SLC2A10: variants seen among roughly 807,000 people sequenced by gnomAD.
SLC2A10 encodes solute carrier family 2, facilitated glucose transporter member 10.
SLC2A10 carries 25 observed loss-of-function variants against 32.1 expected under a neutral mutation model. That is an observed-to-expected ratio of 0.78 (90% CI 0.57 to 1.09). The LOEUF is 1.09. Ranked by LOEUF, SLC2A10 falls within the 50% of genes least tolerant of loss-of-function variation. SLC2A10 has a pLI of 0.00. For synonymous variants in SLC2A10, 332 were observed against 309.6 expected (o/e 1.07, Z -0.76); for missense variants, 673 against 686.5 (o/e 0.98, Z 0.22).
intron 1 of SLC2A10, among the ~76,000 whole-genome samples, chr20:46,723,464 A>G (rs1979672860): frequency 1.3e-5 from 2 of 152,220 alleles, no homozygotes; most frequent in Admixed American, 6.5e-5. Flanking sequence ...GGGTGAATGG[A>G]CATTGATTGG....
At chr20:46,714,023 G>C (rs1248826418) in intron 1 of SLC2A10, among the ~76,000 whole-genome samples, 2 of 152,088 alleles carry the variant, frequency 1.3e-5, no homozygotes, top group Non-Finnish European at 2.9e-5. Flanking sequence ...GATAGGAAGG[G>C]TACTTGGGTA....
chr20:46,718,405 T>C (rs1485599263), intron 1 of SLC2A10, among the ~76,000 whole-genome samples: 1 of 152,180 alleles, frequency 6.6e-6, no homozygotes, highest in African/African-American at 2.4e-5. Context: ...ACTATCCTCT[T>C]CTTGTCGTTT....
intron 1 of SLC2A10, among the ~76,000 whole-genome samples, chr20:46,718,057 T>A (rs1413972676): frequency 2.0e-5 from 3 of 151,840 alleles, no homozygotes; most frequent in African/African-American, 2.4e-5. Flanking sequence ...CCCCACCTCT[T>A]CAAAAAAATC....
chr20:46,731,786 A>G (rs1980313225), intron 4 of SLC2A10, among the ~76,000 whole-genome samples: 1 of 152,132 alleles, frequency 6.6e-6, no homozygotes, highest in Non-Finnish European at 1.5e-5. Flanking sequence ...CGACTTTAGG[A>G]ACACAGGGAC....
At chr20:46,733,015 C>T (rs1026025851) in intron 4 of SLC2A10, among the ~76,000 whole-genome samples, 4 of 152,174 alleles carry the variant, frequency 2.6e-5, no homozygotes, top group Non-Finnish European at 5.9e-5. Flanking sequence ...TGGGGGAGGG[C>T]AGCCATGGTG....
intron 1 of SLC2A10, among the ~76,000 whole-genome samples, chr20:46,720,215 C>A (rs1277723912): frequency 6.6e-6 from 1 of 152,134 alleles, no homozygotes; most frequent in Non-Finnish European, 1.5e-5. Flanking sequence ...CACAGATACA[C>A]AAGAAAGAAG....
At chr20:46,717,548 GCTA>G (rs1979322379) in intron 1 of SLC2A10, among the ~76,000 whole-genome samples, 2 of 152,062 alleles carry the variant, frequency 1.3e-5, no homozygotes, top group African/African-American at 4.8e-5. Flanking sequence ...ACCACGCCAG[GCTA>G]ATTTTTGTAT....
In SLC2A10 at chr20:46,709,674, T is replaced by A. The variant is rs1978785590; in HGVS notation, c.-63T>A. On this transcript the variant is annotated 5_prime_UTR_variant, in exon 1 of 5. Transcript: ENST00000359271. ...GTCCGGCGGCAGCGGCGTTGGGGAC[T>A]CCGGCGGGGGATGCGCGCCCGGCCC... 6.5e-7 allele frequency: 1 copy of A among 1,531,528 alleles called. No homozygotes were observed. The highest frequency in any genetic ancestry group is 1.2e-5 in the South Asian group (1 of 82,566). 94.9% of individuals were successfully genotyped at this position (1,531,528 alleles called of 1,614,324 possible).
rs767864243 is a variant in SLC2A10 at position 46,725,349 on chromosome 20, C to T, written c.313C>T (p.Arg105Cys). Residue 105 changes from arginine (R) to cysteine (C), a missense_variant, in exon 2 of 5, where the codon CGC becomes TGC. Arg to Cys is a radical substitution (Grantham distance 180). Coordinates refer to ENST00000359271, the MANE Select transcript of SLC2A10 (RefSeq NM_030777.4). ...AGSLAWLVLG[R>C]AVVGFAISLS... ...TTCCCTGGCCTGGCTGGTCCTGGGC[C>T]GCGCTGTGGTTGGCTTCGCCATTTC... 43 of 1,613,944 alleles carry T rather than the reference C, an allele frequency of 2.7e-5. No homozygotes were observed. The highest frequency in any genetic ancestry group is 1.0e-4 in the Admixed American group (6 of 60,010).
At chr20:46,727,469 C>T (rs373507797) in intron 3 of SLC2A10, among the ~76,000 whole-genome samples, 9 of 152,050 alleles carry the variant, frequency 5.9e-5, no homozygotes, top group South Asian at 2.1e-4. Context: ...TACAGGCACC[C>T]GCCACCACGC....
chr20:46,728,603 T>TG (rs1421501651), intron 3 of SLC2A10, among the ~76,000 whole-genome samples: 2 of 138,026 alleles, frequency 1.4e-5, no homozygotes, highest in African/African-American at 3.0e-5. Context: ...TTTCTGGGTG[T>TG]GTTTTTTTTT....
At chr20:46,723,556 C>G (rs1051378090) in intron 1 of SLC2A10, among the ~76,000 whole-genome samples, 1 of 152,230 alleles carries the variant, frequency 6.6e-6, no homozygotes, top group East Asian at 1.9e-4. Flanking sequence ...CGATTTGTTT[C>G]CTGTTGGGAC....
rs922144597 is a variant in SLC2A10, at chr20:46,734,185, C to T, written c.*351C>T. 1.6e-5 allele frequency: 6 copies of T among 368,260 alleles called. No homozygotes were observed. Among genetic ancestry groups the T allele is most frequent in the Middle Eastern group, 8.2e-4 (1 of 1,218 alleles). 22.8% of individuals were successfully genotyped at this position (368,260 alleles called of 1,614,324 possible). A position where few individuals can be genotyped will look rare whatever the true frequency, so the allele number is the denominator to read the frequency against. On this transcript the variant is annotated 3_prime_UTR_variant, in exon 5 of 5. Coordinates refer to ENST00000359271, the MANE Select transcript of SLC2A10 (RefSeq NM_030777.4). ...GGGTACCAATCCTGGCAGGAAGTCT[C>T]TCCCGATATCACCCCTAAATCCAAA...
At position 46,729,502 on chromosome 20, in the gene SLC2A10, A is replaced by C; in HGVS notation, c.1547+14A>C. On this transcript the variant is annotated intron_variant, in intron 4 of 4. Coordinates refer to ENST00000359271, the MANE Select transcript of SLC2A10 (RefSeq NM_030777.4). ...CCAGAAGAGACGGTAGGAAGCTGAC[A>C]GGGTGGGTCTGGGGGAAGAGCTGTA... 3.2e-6 allele frequency: 5 copies of C among 1,557,744 alleles called. No individual in the cohort carries two copies. The highest frequency in any genetic ancestry group is 3.5e-6 in the Non-Finnish European group (4 of 1,132,754).
chr20:46,709,520 G>A (rs1054392510), upstream of SLC2A10: 8 of 495,502 alleles, frequency 1.6e-5, no homozygotes, highest in Non-Finnish European at 6.8e-6. Flanking sequence ...GGGCGGCCGG[G>A]GGCGGTCCTG....
chr20:46,712,088 G>C (rs1978945482), intron 1 of SLC2A10, among the ~76,000 whole-genome samples: 1 of 152,212 alleles, frequency 6.6e-6, no homozygotes, highest in Non-Finnish European at 1.5e-5. Context: ...TGACAATAGT[G>C]ATTGTCATAG....
intron 4 of SLC2A10, 90 bp from the exon 5 acceptor site, chr20:46,733,666 G>A: frequency 1.0e-6 from 1 of 956,540 alleles, no homozygotes; most frequent in Non-Finnish European, 1.7e-6. Flanking sequence ...AGGTGGGATT[G>A]GGTGGTGGGA....
chr20:46,724,958 T>C (rs1979788299), intron 1 of SLC2A10, 83 bp from the exon 2 acceptor site: 94 of 1,583,896 alleles, frequency 5.9e-5, no homozygotes, highest in Non-Finnish European at 8.0e-5. Context: ...ATGAAGGTGT[T>C]GACAGATGGA....
intron 3 of SLC2A10, among the ~76,000 whole-genome samples, chr20:46,728,723 T>C (rs946746785): frequency 2.1e-5 from 3 of 144,512 alleles, no homozygotes; most frequent in Non-Finnish European, 4.5e-5. Flanking sequence ...GCTCAAACAA[T>C]CCTCCAGCCT....
Sources: allele counts gnomAD v4.1 joint callset (sites outside exome capture counted in the v4.1 genomes callset), GRCh38; gene constraint gnomAD v4.1.1; transcripts MANE v1.5; gene names NCBI Gene and HGNC (gene_info 2026-07-23, HGNC 2026-07-21).